The following ZNF383 variants were observed in gnomAD, a reference collection of about 807,000 sequenced individuals.
The protein encoded by ZNF383 is zinc finger protein 383.
Under a neutral mutation model 44.2 loss-of-function variants are expected in ZNF383, and 32 were observed. The ratio of observed to expected loss-of-function variants is 0.72; its 90% CI spans 0.55 to 0.97. ZNF383 has a LOEUF of 0.97. Ranked by LOEUF, ZNF383 falls within the 50% of genes least tolerant of loss-of-function variation. ZNF383 has a pLI of 0.00. For missense variants in ZNF383, 487 were observed against 562.5 expected (o/e 0.87, Z 1.36); for synonymous variants, 155 against 186.2 (o/e 0.83, Z 1.36).
At chr19:37,233,541 T>C (rs530121254) in intron 3 of ZNF383, among the ~76,000 whole-genome samples, 1 of 152,138 alleles carries the variant, frequency 6.6e-6, no homozygotes, top group East Asian at 1.9e-4. Context: ...GCGATTCTGC[T>C]GTCTCAGACT....
chr19:37,239,258 A>G (rs1973963796), intron 5 of ZNF383, among the ~76,000 whole-genome samples: 1 of 152,226 alleles, frequency 6.6e-6, no homozygotes, highest in African/African-American at 2.4e-5. Flanking sequence ...TAATTGAGAT[A>G]TAACATTTCT....
chr19:37,227,921 C>T (rs1202999961), intron 2 of ZNF383, among the ~76,000 whole-genome samples: 1 of 152,170 alleles, frequency 6.6e-6, no homozygotes, highest in Non-Finnish European at 1.5e-5. Context: ...ATTTAGAAGG[C>T]AGAGCCAGGT....
intron 2 of ZNF383, among the ~76,000 whole-genome samples, chr19:37,228,675 A>G (rs1973301282): frequency 6.6e-6 from 1 of 151,988 alleles, no homozygotes; most frequent in African/African-American, 2.4e-5. Flanking sequence ...GTGTGAGGCC[A>G]CTGTTGTGAT....
At chr19:37,235,205 G>A (rs974261190) in intron 3 of ZNF383, among the ~76,000 whole-genome samples, 4 of 151,896 alleles carry the variant, frequency 2.6e-5, no homozygotes, top group Admixed American at 6.6e-5. Context: ...CCCAGGAGGC[G>A]GAGGTTGCGG....
At chr19:37,240,408 C>T (rs1974028950) in intron 5 of ZNF383, among the ~76,000 whole-genome samples, 1 of 152,066 alleles carries the variant, frequency 6.6e-6, no homozygotes, top group African/African-American at 2.4e-5. Flanking sequence ...GATTATTGCC[C>T]TTTTACAGAT....
At chr19:37,239,412 A>G (rs954758127) in intron 5 of ZNF383, among the ~76,000 whole-genome samples, 5 of 152,134 alleles carry the variant, frequency 3.3e-5, no homozygotes, top group Admixed American at 2.6e-4. Flanking sequence ...GCTCATCACT[A>G]CTTCAGAATT....
intron 3 of ZNF383, among the ~76,000 whole-genome samples, chr19:37,232,657 C>T (rs1034613906): frequency 6.6e-6 from 1 of 152,086 alleles, no homozygotes; most frequent in African/African-American, 2.4e-5. Flanking sequence ...AAGTGGAATA[C>T]GTCTATCTAT....
chr19:37,234,503 C>T (rs1254841886), intron 3 of ZNF383, among the ~76,000 whole-genome samples: 1 of 152,196 alleles, frequency 6.6e-6, no homozygotes, highest in Non-Finnish European at 1.5e-5. Context: ...ACTCTCCTGC[C>T]TCAGCCTCCT....
At chr19:37,231,872 A>C (rs1973502762) in intron 3 of ZNF383, among the ~76,000 whole-genome samples, 1 of 152,134 alleles carries the variant, frequency 6.6e-6, no homozygotes, top group Non-Finnish European at 1.5e-5. Flanking sequence ...TTTCTCCCTT[A>C]ATAAAGGAGA....
chr19:37,237,368 G>A (rs1399253302), intron 5 of ZNF383, among the ~76,000 whole-genome samples: 1 of 151,928 alleles, frequency 6.6e-6, no homozygotes, highest in Non-Finnish European at 1.5e-5. Flanking sequence ...GATATTGTTG[G>A]GGCCAAGAAA....
At chr19:37,238,164 C>G (rs181883011) in intron 5 of ZNF383, among the ~76,000 whole-genome samples, 42 of 151,948 alleles carry the variant, frequency 2.8e-4, no homozygotes, top group African/African-American at 9.6e-4. Flanking sequence ...TGTCTGGCCC[C>G]CACCTCTTAA....
In ZNF383 at chr19:37,243,414, C is replaced by T; in HGVS notation, c.1178C>T (p.Pro393Leu). 1 of 1,614,102 alleles carries T rather than the reference C, an allele frequency of 6.2e-7. No individual in the cohort carries two copies. The highest frequency in any genetic ancestry group is 1.1e-5 in the South Asian group (1 of 91,076). The stretch of plus-strand genomic sequence containing the variant: ...CAGAGAATTCACGCTGGTGAGAAAC[C>T]CTTTGAATGTCTTGAATGTGGGAAG... ...QHQRIHAGEK[P>L]FECLECGKAF... Residue 393 changes from proline to leucine, a missense_variant, in exon 6 of 6, where the codon CCC becomes CTC. Pro to Leu is a moderately conservative substitution (Grantham distance 98). Transcript: ENST00000684119.
intron 1 of ZNF383, among the ~76,000 whole-genome samples, chr19:37,220,227 T>C (rs1972851872): frequency 6.6e-6 from 1 of 152,220 alleles, no homozygotes. Flanking sequence ...TGGTTTTCTT[T>C]TCTTTTCTTT....
chr19:37,230,595 C>G, intron 3 of ZNF383, 133 bp downstream of exon 3: 1 of 919,426 alleles, frequency 1.1e-6, no homozygotes, highest in Middle Eastern at 2.2e-4. Context: ...CCCATTTTTT[C>G]TTAGCTAGAT....
In ZNF383 at chr19:37,244,564, A is replaced by T. The variant is rs1038177362; in HGVS notation, c.*900A>T. 6.6e-6 allele frequency: 1 copy of T among 152,004 alleles called. No homozygotes were observed. The highest frequency in any genetic ancestry group is 2.4e-5 in the African/African-American group (1 of 41,350). 9.4% of individuals were successfully genotyped at this position (152,004 alleles called of 1,614,324 possible). ...GGCTAATTTTTTGTATTTTTAGTAG[A>T]GACGGGGTTTCACCATGTTAGCCAG... On this transcript the variant is annotated 3_prime_UTR_variant, in exon 6 of 6. Transcript: ENST00000684119.
chr19:37,229,549 C>T (rs1437229341), intron 2 of ZNF383, among the ~76,000 whole-genome samples: 2 of 148,274 alleles, frequency 1.3e-5, no homozygotes, highest in African/African-American at 2.5e-5. Context: ...ACCTCTGCCT[C>T]CCAGGTTCAA....
At position 37,247,644 on chromosome 19, in the gene ZNF383, A is replaced by G. The variant is rs375089843; in HGVS notation, c.*3980A>G. ...GTTCAAGACCAGTCTAGGTAACATAATGAGATCCCCCTCCCCTCATCTCTA... is the reference window on the plus strand; with the variant it reads ...GTTCAAGACCAGTCTAGGTAACATAGTGAGATCCCCCTCCCCTCATCTCTA... On this transcript the variant is annotated 3_prime_UTR_variant, in exon 6 of 6. Coordinates refer to ENST00000684119, the MANE Select transcript of ZNF383 (RefSeq NM_001387601.1). 11 of 151,964 alleles carry G rather than the reference A, an allele frequency of 7.2e-5. No homozygotes were observed. In the East Asian group the frequency reaches 1.6e-3, roughly 21 times the overall value. 9.4% of individuals were successfully genotyped at this position (151,964 alleles called of 1,614,324 possible). A position where few individuals can be genotyped will look rare whatever the true frequency, so the allele number is the denominator to read the frequency against.
chr19:37,242,699 AC>A lies in ZNF383; in HGVS notation c.464del (p.Thr155AsnfsTer8), dbSNP rs1392727345. 6.2e-7 allele frequency: 1 copy of A among 1,614,000 alleles called. No individual in the cohort carries two copies. The highest frequency in any genetic ancestry group is 1.3e-5 in the African/African-American group (1 of 74,932). ...PEYMPTFIQQ[T>X]FLTLHQIINN... is the part of the protein sequence containing the mutation. ...ATACATGCCCACATTTATTCAACAG[AC>A]ATTCCTTACTCTCCATCAAATAATT... On this transcript the variant is annotated frameshift_variant, in exon 6 of 6. Transcript: ENST00000684119. LOFTEE classifies it high-confidence loss of function.
At chr19:37,219,685 C>T (rs1213745435) in intron 1 of ZNF383, 1 of 152,304 alleles carries the variant, frequency 6.6e-6, no homozygotes, top group East Asian at 1.9e-4. Context: ...CTTTCTTCTT[C>T]AGCTCTGCTC....
Sources: allele counts gnomAD v4.1 joint callset (sites outside exome capture counted in the v4.1 genomes callset), GRCh38; gene constraint gnomAD v4.1.1; transcripts MANE v1.5; gene names NCBI Gene and HGNC (gene_info 2026-07-23, HGNC 2026-07-21).